Variants in PPP2R2A observed in about 807,000 individuals in gnomAD.
PPP2R2A encodes protein phosphatase 2 regulatory subunit Balpha.
In PPP2R2A, 9 loss-of-function variants were observed where a neutral mutation model predicts 53.2. That is an observed-to-expected ratio of 0.17 (90% CI 0.10 to 0.30). The LOEUF (loss-of-function observed/expected upper bound fraction) is 0.30. PPP2R2A is among the 10% of genes least tolerant of loss of function. The pLI, the probability that PPP2R2A is intolerant of heterozygous loss-of-function variation, is 1.00. For missense variants in PPP2R2A, 235 were observed against 534.6 expected (o/e 0.44, Z 5.53); for synonymous variants, 169 against 174.2 (o/e 0.97, Z 0.23).
chr8:26,347,515 T>C (rs1804282072), intron 3 of PPP2R2A, among the ~76,000 whole-genome samples: 1 of 152,140 alleles, frequency 6.6e-6, no homozygotes, highest in African/African-American at 2.4e-5. Flanking sequence ...TAGCATAGTT[T>C]AGAACAGATA....
At chr8:26,318,049 T>C (rs918097097) in intron 2 of PPP2R2A, among the ~76,000 whole-genome samples, 1 of 152,186 alleles carries the variant, frequency 6.6e-6, no homozygotes, top group African/African-American at 2.4e-5. Context: ...TCTAATTTCC[T>C]GTTAAAACTC....
intron 2 of PPP2R2A, among the ~76,000 whole-genome samples, chr8:26,302,237 C>A (rs1452184471): frequency 6.6e-6 from 1 of 152,192 alleles, no homozygotes; most frequent in East Asian, 1.9e-4. Flanking sequence ...CTTCAGTGTA[C>A]AGTGTTTGTT....
chr8:26,371,012 G>T lies in PPP2R2A; in HGVS notation c.*599G>T, dbSNP rs186792201. On this transcript the variant is annotated 3_prime_UTR_variant, in exon 10 of 10. Coordinates refer to ENST00000380737, the MANE Select transcript of PPP2R2A (RefSeq NM_002717.4). Reference sequence around the variant, plus strand: ...TCAGTTTGGGGTCAGTGGTATAAAGGGGGTATATGTTGCAAACAAATGTTT... The same window carrying T: ...TCAGTTTGGGGTCAGTGGTATAAAGTGGGTATATGTTGCAAACAAATGTTT... The T allele has an allele frequency of 2.0e-5, 3 of 152,836 alleles. No homozygotes were observed. The highest frequency in any genetic ancestry group is 1.9e-4 in the East Asian group (1 of 5,164). The allele number at this position is 152,836 out of a possible 1,614,324, so 9.5% of individuals were successfully genotyped here.
chr8:26,326,730 G>A (rs567317487), intron 2 of PPP2R2A, among the ~76,000 whole-genome samples: 2 of 152,196 alleles, frequency 1.3e-5, no homozygotes, highest in East Asian at 3.9e-4. Flanking sequence ...ACTTAATAAG[G>A]CCACTGAATG....
At chr8:26,317,863 C>T (rs577384092) in intron 2 of PPP2R2A, among the ~76,000 whole-genome samples, 2 of 152,304 alleles carry the variant, frequency 1.3e-5, no homozygotes, top group East Asian at 3.9e-4. Flanking sequence ...TTGTTCTGCT[C>T]AGGGTCTAGG....
rs1805154606 is a variant in PPP2R2A, at chr8:26,362,421, C to T, written c.638-263C>T. On this transcript the variant is annotated intron_variant, in intron 6 of 9. Coordinates refer to ENST00000380737, the MANE Select transcript of PPP2R2A (RefSeq NM_002717.4). The surrounding 1 kb of genome is among the most constrained non-coding windows in gnomAD (Gnocchi z 4.4). ...TCTGGAGACTGATGCAGTAGAATCG[C>T]TTGAACCTGGGAGTCGGAGGCTGCA... 6.6e-6 allele frequency among the ~76,000 whole-genome samples: 1 copy of T among 151,844 alleles called. No homozygotes were observed. The highest frequency in any genetic ancestry group is 1.5e-5 in the Non-Finnish European group (1 of 67,980).
At chr8:26,311,025 G>A (rs1310525431) in intron 2 of PPP2R2A, among the ~76,000 whole-genome samples, 1 of 152,160 alleles carries the variant, frequency 6.6e-6, no homozygotes, top group Non-Finnish European at 1.5e-5. Flanking sequence ...CTTCCTAAAT[G>A]AAGTGGATTT....
intron 4 of PPP2R2A, among the ~76,000 whole-genome samples, chr8:26,356,985 GTT>G (rs1804815487): frequency 6.6e-6 from 1 of 152,054 alleles, no homozygotes; most frequent in Non-Finnish European, 1.5e-5. Context: ...TTTGTCTTTT[GTT>G]TCTTAATACT....
intron 4 of PPP2R2A, among the ~76,000 whole-genome samples, chr8:26,356,832 T>G (rs1804805995): frequency 6.6e-6 from 1 of 152,226 alleles, no homozygotes; most frequent in African/African-American, 2.4e-5. Flanking sequence ...ATCATCCACT[T>G]CTGACACTCC....
intron 2 of PPP2R2A, among the ~76,000 whole-genome samples, chr8:26,296,524 C>G (rs535351998): frequency 6.6e-6 from 1 of 152,208 alleles, no homozygotes; most frequent in Non-Finnish European, 1.5e-5. Flanking sequence ...CTAATTTCCT[C>G]TTTTGGAAAT....
At chr8:26,340,723 T>G (rs1006476166) in intron 3 of PPP2R2A, among the ~76,000 whole-genome samples, 20 of 152,114 alleles carry the variant, frequency 1.3e-4, no homozygotes, top group Admixed American at 3.3e-4. Context: ...GGCTGAAAAT[T>G]TTTTTAATTG....
intron 1 of PPP2R2A, chr8:26,293,340 T>C (rs1801395990): frequency 7.2e-7 from 1 of 1,387,946 alleles, no homozygotes. Flanking sequence ...GAAAACTCTT[T>C]AACTCTTGGT....
At chr8:26,310,435 T>C (rs1307944044) in intron 2 of PPP2R2A, among the ~76,000 whole-genome samples, 1 of 150,554 alleles carries the variant, frequency 6.6e-6, no homozygotes, top group East Asian at 2.1e-4. Flanking sequence ...TTCAAAACTG[T>C]TATCAGACGT....
At chr8:26,347,053 C>T (rs1804254220) in intron 3 of PPP2R2A, among the ~76,000 whole-genome samples, 1 of 152,056 alleles carries the variant, frequency 6.6e-6, no homozygotes, top group South Asian at 2.1e-4. Flanking sequence ...CATTAAATTC[C>T]CAAAGTTATC....
chr8:26,320,283 ACT>A (rs1436553186), intron 2 of PPP2R2A, among the ~76,000 whole-genome samples: 1 of 152,008 alleles, frequency 6.6e-6, no homozygotes, highest in Admixed American at 6.6e-5. Context: ...TATTTGGCAA[ACT>A]CTACATGTTG....
intron 3 of PPP2R2A, among the ~76,000 whole-genome samples, chr8:26,344,181 A>G (rs1028756241): frequency 6.6e-6 from 1 of 152,230 alleles, no homozygotes; most frequent in Non-Finnish European, 1.5e-5. Context: ...ACCTCTGCCA[A>G]GATCCCTAAA....
Position 26,360,896 on chromosome 8 carries a change from A to T in PPP2R2A, c.460-78A>T. On this transcript the variant is annotated intron_variant, in intron 5 of 9. Transcript: ENST00000380737. This position sits in a 1 kb window ranked among gnomAD's most constrained non-coding sequence, Gnocchi z 4.5. ...TTTTATGTTCTCAAAAACTGAAATA[A>T]TGAAGTTTTCTGAATCTTAATTGCT... 1.4e-6 allele frequency: 2 copies of T among 1,380,218 alleles called. No homozygotes were observed. The highest frequency in any genetic ancestry group is 2.0e-6 in the Non-Finnish European group (2 of 1,012,742). 85.5% of individuals were successfully genotyped at this position (1,380,218 alleles called of 1,614,324 possible).
intron 2 of PPP2R2A, among the ~76,000 whole-genome samples, chr8:26,323,925 C>A (rs1032453856): frequency 6.6e-6 from 1 of 152,202 alleles, no homozygotes; most frequent in African/African-American, 2.4e-5. Context: ...GGAACCATTT[C>A]TTCCTTCCTC....
At chr8:26,330,461 G>C (rs563029328) in intron 2 of PPP2R2A, among the ~76,000 whole-genome samples, 1 of 151,852 alleles carries the variant, frequency 6.6e-6, no homozygotes, top group East Asian at 1.9e-4. Flanking sequence ...CTGAGTAGCC[G>C]GGACCGCAGG....
Sources: allele counts gnomAD v4.1 joint callset (sites outside exome capture counted in the v4.1 genomes callset), GRCh38; gene constraint gnomAD v4.1.1; non-coding constraint Gnocchi (gnomAD v3.1); transcripts MANE v1.5; gene names NCBI Gene and HGNC (gene_info 2026-07-23, HGNC 2026-07-21).